RBFOX1: variants seen among roughly 807,000 people sequenced by gnomAD.
RBFOX1 encodes RNA binding fox-1 homolog 1.
RBFOX1 carries 8 observed loss-of-function variants against 57.7 expected under a neutral mutation model. The ratio of observed to expected loss-of-function variants is 0.14; its 90% CI spans 0.08 to 0.25. The LOEUF is 0.25. Ranked by LOEUF, RBFOX1 falls within the 10% of genes least tolerant of loss-of-function variation. The pLI is 1.00. For missense variants in RBFOX1, 611 were observed against 548.5 expected, an observed-to-expected ratio of 1.11 and a Z score of -1.14; for synonymous variants, 326 against 222.4, an observed-to-expected ratio of 1.47 and a Z score of -4.15.
intron 5 of RBFOX1, among the ~76,000 whole-genome samples, chr16:7,534,945 T>C (rs1323406357): frequency 6.6e-6 from 1 of 152,204 alleles, no homozygotes. Context: ...GTCCTGACAC[T>C]GGGGCTGAGC....
At chr16:6,842,793 G>A (rs1019703389) in intron 3 of RBFOX1, among the ~76,000 whole-genome samples, 1 of 151,866 alleles carries the variant, frequency 6.6e-6, no homozygotes, top group African/African-American at 2.4e-5. Flanking sequence ...CATGCATTAG[G>A]TATTTGTCCT....
intron 5 of RBFOX1, among the ~76,000 whole-genome samples, chr16:7,573,944 G>T (rs568670469): frequency 8.2e-4 from 125 of 152,262 alleles, no homozygotes; most frequent in Admixed American, 1.6e-3. Context: ...CGTAGCCACT[G>T]CCCTTCAGGA....
At chr16:5,699,470 G>T (rs2050958846) in intron 3 of RBFOX1, among the ~76,000 whole-genome samples, 1 of 150,590 alleles carries the variant, frequency 6.6e-6, no homozygotes, top group Non-Finnish European at 1.5e-5. Context: ...TATTTTTAGT[G>T]CAGTGGTTCT....
At chr16:7,098,537 G>T (rs1255100122) in intron 4 of RBFOX1, among the ~76,000 whole-genome samples, 1 of 152,194 alleles carries the variant, frequency 6.6e-6, no homozygotes, top group Non-Finnish European at 1.5e-5. Flanking sequence ...TTACTTTATT[G>T]AAATGTAACA....
intron 1 of RBFOX1, among the ~76,000 whole-genome samples, chr16:5,434,828 A>C (rs886554386): frequency 6.6e-6 from 1 of 152,136 alleles, no homozygotes; most frequent in Non-Finnish European, 1.5e-5. Flanking sequence ...TTACCTGCCT[A>C]ATGTTAAATA....
intron 1 of RBFOX1, among the ~76,000 whole-genome samples, chr16:6,163,839 TAGAA>T (rs1415182065): frequency 2.0e-5 from 3 of 152,202 alleles, no homozygotes; most frequent in Non-Finnish European, 4.4e-5. Flanking sequence ...GGGGAACAAT[TAGAA>T]AGGCCCATAT....
rs959386104 is a variant in RBFOX1, at chr16:7,611,563, G to A, written c.676+4225G>A. ...CATTGCACTGCAGCCTGGGTGACAA[G>A]AGCAAAACTCTGTCTCAAAAAAAAA... On this transcript the variant is annotated intron_variant, in intron 10 of 15. Transcript: ENST00000550418. 1.7e-3 allele frequency among the ~76,000 whole-genome samples: 246 copies of A among 147,178 alleles called. 1 individual carries two copies. Among genetic ancestry groups the A allele is most frequent in the African/African-American group, 5.8e-3 (231 of 39,866 alleles).
chr16:7,269,539 A>G (rs2095265751), intron 4 of RBFOX1, among the ~76,000 whole-genome samples: 1 of 152,176 alleles, frequency 6.6e-6, no homozygotes, highest in Admixed American at 6.5e-5. Flanking sequence ...AATTTATCGT[A>G]TAATTTTTTA....
intron 4 of RBFOX1, among the ~76,000 whole-genome samples, chr16:7,338,057 A>G (rs1043614750): frequency 2.6e-5 from 4 of 152,068 alleles, no homozygotes; most frequent in African/African-American, 9.7e-5. Flanking sequence ...GTATTATTTT[A>G]TTTTTGTAAG....
intron 2 of RBFOX1, among the ~76,000 whole-genome samples, chr16:6,564,384 C>T (rs1244764850): frequency 6.6e-6 from 1 of 152,068 alleles, no homozygotes; most frequent in Non-Finnish European, 1.5e-5. Context: ...GGTGTGAACC[C>T]AGGAGACAGA....
At chr16:6,508,501 C>G (rs376813108) in intron 2 of RBFOX1, among the ~76,000 whole-genome samples, 15 of 152,216 alleles carry the variant, frequency 9.9e-5, no homozygotes, top group African/African-American at 3.6e-4. Context: ...CAGCTAATCC[C>G]TTAAAACCTT....
At chr16:7,444,243 C>A (rs1035556491) in intron 4 of RBFOX1, among the ~76,000 whole-genome samples, 2 of 152,196 alleles carry the variant, frequency 1.3e-5, no homozygotes, top group Non-Finnish European at 2.9e-5. Context: ...TATCTATGTT[C>A]TAACCTGTTT....
At chr16:7,212,965 T>C (rs1362139095) in intron 4 of RBFOX1, among the ~76,000 whole-genome samples, 1 of 152,228 alleles carries the variant, frequency 6.6e-6, no homozygotes, top group Non-Finnish European at 1.5e-5. Context: ...AGAATAATTC[T>C]ATGGAACACT....
chr16:5,640,995 A>C (rs1596551111), intron 3 of RBFOX1, among the ~76,000 whole-genome samples: 2 of 151,696 alleles, frequency 1.3e-5, no homozygotes, highest in South Asian at 4.2e-4. Flanking sequence ...TATCATGCAT[A>C]CATATGCACA....
exon 3 of RBFOX1, chr16:5,599,906 C>T (rs1351605141): frequency 6.6e-6 from 1 of 152,220 alleles, no homozygotes; most frequent in Non-Finnish European, 1.5e-5. Flanking sequence ...ATGGATCACA[C>T]CTATAATCCC....
intron 3 of RBFOX1, among the ~76,000 whole-genome samples, chr16:5,695,550 T>C (rs1249201560): frequency 3.3e-5 from 5 of 152,194 alleles, no homozygotes; most frequent in South Asian, 2.1e-4. Flanking sequence ...CCAGTCAAAA[T>C]AATTGGTCAA....
chr16:5,576,807 A>C (rs1026560710), intron 2 of RBFOX1, among the ~76,000 whole-genome samples: 1 of 152,210 alleles, frequency 6.6e-6, no homozygotes. Context: ...ATCTTGGGGA[A>C]TAAGAAGCTG....
chr16:5,458,371 T>C (rs1597148428), intron 1 of RBFOX1, among the ~76,000 whole-genome samples: 1 of 152,092 alleles, frequency 6.6e-6, no homozygotes, highest in East Asian at 1.9e-4. Flanking sequence ...TGTGGATGGG[T>C]GGTGTAGCCG....
chr16:7,225,662 C>G (rs988546912), intron 4 of RBFOX1, among the ~76,000 whole-genome samples: 5 of 146,304 alleles, frequency 3.4e-5, no homozygotes, highest in African/African-American at 1.3e-4. Flanking sequence ...CTCCTGAAAT[C>G]TTTAGGTGGC....
Sources: allele counts gnomAD v4.1 joint callset (sites outside exome capture counted in the v4.1 genomes callset), GRCh38; gene constraint gnomAD v4.1.1; transcripts MANE v1.5; gene names NCBI Gene and HGNC (gene_info 2026-07-23, HGNC 2026-07-21).